PLCB1: variants seen among roughly 807,000 people sequenced by gnomAD.
The protein encoded by PLCB1 is phospholipase C beta 1, also known as 1-phosphatidylinositol 4,5-bisphosphate phosphodiesterase beta-1.
PLCB1 carries 46 observed loss-of-function variants against 161.8 expected under a neutral mutation model. That is an observed-to-expected ratio of 0.28 (90% CI 0.22 to 0.36). The LOEUF is 0.36. Among genes scored for constraint, PLCB1 ranks in the 10% least tolerant of loss-of-function variants. The pLI, the probability that PLCB1 is intolerant of heterozygous loss-of-function variation, is 1.00. For missense variants in PLCB1, 1,016 were observed against 1,472.5 expected (o/e 0.69, Z 5.07); for synonymous variants, 517 against 503.7 (o/e 1.03, Z -0.35).
At chr20:8,829,909 C>G (rs1985900770) in intron 31 of PLCB1, among the ~76,000 whole-genome samples, 1 of 152,234 alleles carries the variant, frequency 6.6e-6, no homozygotes. Flanking sequence ...TATCCAGTGC[C>G]AAAGAGATGA....
intron 1 of PLCB1, among the ~76,000 whole-genome samples, chr20:8,136,348 C>G (rs1222332277): frequency 6.6e-5 from 10 of 152,228 alleles, no homozygotes; most frequent in Admixed American, 4.6e-4. Flanking sequence ...TATTGTCGGC[C>G]GGGCGCGGTG....
chr20:8,544,336 T>C lies in PLCB1; in HGVS notation c.247-83958T>C, dbSNP rs150723415. On this transcript the variant is annotated intron_variant, in intron 3 of 31. Transcript: ENST00000338037. The stretch of plus-strand genomic sequence containing the variant: ...CAGGAGTCCAGAACACTTGAGAATA[T>C]GCAGAATAACAGTGGAGAATTCAAA... Among the ~76,000 whole-genome samples, 379 of 152,294 alleles carry C rather than the reference T, an allele frequency of 2.5e-3. 3 individuals carry two copies. The highest frequency in any genetic ancestry group is 8.9e-3 in the African/African-American group (370 of 41,556).
chr20:8,668,347 C>G (rs1208283000), intron 9 of PLCB1, among the ~76,000 whole-genome samples: 1 of 152,166 alleles, frequency 6.6e-6, no homozygotes, highest in Non-Finnish European at 1.5e-5. Context: ...AGGATGCCAG[C>G]TGTGACAGCA....
At chr20:8,240,332 T>G (rs1980546775) in intron 2 of PLCB1, among the ~76,000 whole-genome samples, 1 of 151,738 alleles carries the variant, frequency 6.6e-6, no homozygotes, top group Non-Finnish European at 1.5e-5. Context: ...TTGCTTAATA[T>G]GCAGTATTTA....
At chr20:8,792,812 A>C in intron 31 of PLCB1, 1 of 356,998 alleles carries the variant, frequency 2.8e-6, no homozygotes, top group East Asian at 7.3e-5. Context: ...ATGGTGGTTA[A>C]TAAAGGGAAA....
At chr20:8,440,021 T>C (rs1386217729) in intron 3 of PLCB1, among the ~76,000 whole-genome samples, 2 of 152,196 alleles carry the variant, frequency 1.3e-5, no homozygotes, top group African/African-American at 2.4e-5. Context: ...CAAAAGATTA[T>C]GTTGGCTTCA....
chr20:8,569,239 A>T (rs1376265052), intron 3 of PLCB1, among the ~76,000 whole-genome samples: 1 of 152,222 alleles, frequency 6.6e-6, no homozygotes, highest in African/African-American at 2.4e-5. Context: ...CAGGACACTG[A>T]CTACATCTGC....
At chr20:8,416,687 A>C (rs539823978) in intron 3 of PLCB1, among the ~76,000 whole-genome samples, 1 of 152,194 alleles carries the variant, frequency 6.6e-6, no homozygotes. Flanking sequence ...ATGTATAGTA[A>C]TGACCTGCTT....
chr20:8,740,943 C>A (rs1980847242), intron 22 of PLCB1, among the ~76,000 whole-genome samples: 1 of 152,218 alleles, frequency 6.6e-6, no homozygotes, highest in Admixed American at 6.5e-5. Flanking sequence ...CCAAAGCTGG[C>A]AGCCATAACT....
chr20:8,668,416 T>G (rs1282685018), intron 9 of PLCB1, among the ~76,000 whole-genome samples: 1 of 152,180 alleles, frequency 6.6e-6, no homozygotes, highest in Admixed American at 6.5e-5. Context: ...TTGAGAATGA[T>G]GGACAAAATC....
chr20:8,236,570 C>T (rs1980339557), intron 2 of PLCB1, among the ~76,000 whole-genome samples: 1 of 151,762 alleles, frequency 6.6e-6, no homozygotes, highest in African/African-American at 2.4e-5. Flanking sequence ...AATAAAGGTA[C>T]TAAATCAATT....
At chr20:8,663,192 A>G (rs1415531113) in intron 9 of PLCB1, among the ~76,000 whole-genome samples, 1 of 151,772 alleles carries the variant, frequency 6.6e-6, no homozygotes, top group African/African-American at 2.4e-5. Context: ...TATAACATAT[A>G]TATACACACA....
intron 9 of PLCB1, among the ~76,000 whole-genome samples, chr20:8,663,665 A>G (rs2123341226): frequency 6.6e-6 from 1 of 152,252 alleles, no homozygotes; most frequent in South Asian, 2.1e-4. Flanking sequence ...CCAGAAAGAG[A>G]GAATTTGAAG....
intron 1 of PLCB1, among the ~76,000 whole-genome samples, chr20:8,139,402 G>A (rs1008401287): frequency 6.6e-6 from 1 of 151,746 alleles, no homozygotes; most frequent in Non-Finnish European, 1.5e-5. Flanking sequence ...GGCCTTCAAG[G>A]GCTTTTTTTG....
chr20:8,677,312 C>T (rs182165138), intron 9 of PLCB1, among the ~76,000 whole-genome samples: 221 of 152,162 alleles, frequency 1.5e-3, no homozygotes, highest in Middle Eastern at 3.4e-3. Context: ...GCAGGAGGAT[C>T]GCTTGATCAC....
At chr20:8,820,670 G>A (rs1985298367) in intron 31 of PLCB1, among the ~76,000 whole-genome samples, 1 of 152,082 alleles carries the variant, frequency 6.6e-6, no homozygotes, top group African/African-American at 2.4e-5. Context: ...TGTATCAGGA[G>A]CGTTGTGCCA....
intron 2 of PLCB1, among the ~76,000 whole-genome samples, chr20:8,286,572 C>A (rs1019612628): frequency 6.6e-6 from 1 of 152,146 alleles, no homozygotes; most frequent in African/African-American, 2.4e-5. Flanking sequence ...GCACGGGACC[C>A]ACAGCATCCA....
chr20:8,481,531 A>T (rs1982497797), intron 3 of PLCB1, among the ~76,000 whole-genome samples: 2 of 152,238 alleles, frequency 1.3e-5, no homozygotes, highest in South Asian at 2.1e-4. Flanking sequence ...TGCCAAACAG[A>T]ATGCTTAATA....
rs1979706478 is a variant in PLCB1, at chr20:8,722,545, T to G, written c.1581+124T>G. 1.4e-5 allele frequency: 8 copies of G among 558,314 alleles called. No individual in the cohort carries two copies. The South Asian group carries it at 2.5e-4, about 18-fold the overall frequency. 34.6% of individuals were successfully genotyped at this position (558,314 alleles called of 1,614,324 possible). On this transcript the variant is annotated intron_variant, in intron 15 of 31. Transcript: ENST00000338037. Reference sequence around the variant, plus strand: ...AGATTTGTGCCTTCCAATTGCCAGCTTCAATTTTTGAGGCAATTAAATGGC... The same window carrying G: ...AGATTTGTGCCTTCCAATTGCCAGCGTCAATTTTTGAGGCAATTAAATGGC...
Sources: gnomAD v4.1 joint callset for allele counts (sites outside exome capture counted in the v4.1 genomes callset) on GRCh38, gnomAD v4.1.1 for gene constraint, MANE v1.5 for transcripts, NCBI Gene and HGNC (gene_info 2026-07-23, HGNC 2026-07-21) for gene names.